Variants in LRRC70 observed in about 807,000 individuals in gnomAD.
LRRC70 encodes leucine rich repeat containing 70, also known as leucine-rich repeat-containing protein 70.
A neutral mutation model predicts 42.4 loss-of-function variants in LRRC70; 31 were observed. The observed-to-expected ratio is 0.73, with a 90% CI of 0.55 to 0.99. LRRC70 has a LOEUF of 0.99. LRRC70 is among the 50% of genes least tolerant of loss of function. The pLI is 0.00. For missense variants in LRRC70, 643 were observed against 707.5 expected (o/e 0.91, Z 1.03); for synonymous variants, 270 against 262.9 (o/e 1.03, Z -0.26).
Position 62,579,580 on chromosome 5 carries a change from A to G in LRRC70, c.142A>G (p.Asn48Asp). ...LCTGRQINCR[N>D]LGLSSIPKNF... ...CACTGGGAGACAAATTAACTGCCGT[A>G]ACTTAGGCCTTTCGAGTATTCCTAA... The change falls in exon 2 of 2, where the codon AAC becomes GAC. Residue 48 changes from asparagine to aspartate, a missense_variant. Physicochemically the swap from Asn to Asp is conservative, Grantham distance 23. Transcript: ENST00000334994. 6.4e-6 allele frequency: 10 copies of G among 1,551,220 alleles called. No homozygotes were observed. Among genetic ancestry groups the G allele is most frequent in the Non-Finnish European group, 8.7e-6 (10 of 1,146,632 alleles).
At chr5:62,579,200 A>G (rs1744443331) in intron 1 of LRRC70, among the ~76,000 whole-genome samples, 2 of 152,132 alleles carry the variant, frequency 1.3e-5, no homozygotes, top group Non-Finnish European at 2.9e-5. Flanking sequence ...ATTTTGTCAA[A>G]TAGTGGGTTA....
rs1213352315 is a variant in LRRC70 at position 62,578,863 on chromosome 5, T to G, written c.-111T>G. 5 of 314,540 alleles carry G rather than the reference T, an allele frequency of 1.6e-5. No homozygotes were observed. Among genetic ancestry groups the G allele is most frequent in the African/African-American group, 9.0e-5 (4 of 44,320 alleles). 19.5% of individuals were successfully genotyped at this position (314,540 alleles called of 1,614,324 possible). A position where few individuals can be genotyped will look rare whatever the true frequency, so the allele number is the denominator to read the frequency against. On this transcript the variant is annotated 5_prime_UTR_variant, in exon 1 of 2. Transcript: ENST00000334994. ...CAGAACAAACTGGAGTTAAGAAATGTCGTTCTTCAGATTTAAAAAGAAAAC... is the reference window on the plus strand; with the variant it reads ...CAGAACAAACTGGAGTTAAGAAATGGCGTTCTTCAGATTTAAAAAGAAAAC...
rs1744539232 is a variant in LRRC70 at position 62,581,076 on chromosome 5, C to A, written c.1638C>A (p.Ile546=). Residue 546 remains isoleucine (I), a synonymous_variant, in exon 2 of 2, where the codon ATC becomes ATA. Transcript: ENST00000334994. ...ILACVLIIFL[I]YKVVQFKQKL... ...CTTGTGTTTTAATCATTTTTTTGAT[C>A]TACAAAGTTGTTCAGTTTAAACAAA... The A allele has an allele frequency of 4.5e-6, 7 of 1,549,110 alleles. No individual in the cohort carries two copies. The East Asian group carries it at 1.5e-4, about 32-fold the overall frequency.
In LRRC70 at chr5:62,579,993, TG is replaced by T; in HGVS notation, c.556del (p.Asp186IlefsTer8). ...FVGMVALRILDLSNNNILRIS... is the reference protein window; with the variant it reads ...FVGMVALRILXLSNNNILRIS... ...TTGGTATGGTTGCTCTTCGGATACT[TG>T]ATTTATCAAACAATAACATTTTGAG... On this transcript the variant is annotated frameshift_variant, in exon 2 of 2. Coordinates refer to ENST00000334994, the MANE Select transcript of LRRC70 (RefSeq NM_181506.5). LOFTEE classifies it high-confidence loss of function. 1.9e-6 allele frequency: 3 copies of T among 1,551,292 alleles called. No homozygotes were observed. Among genetic ancestry groups the T allele is most frequent in the Non-Finnish European group, 2.6e-6 (3 of 1,146,748 alleles).
rs1744527200 is a variant in LRRC70 at position 62,580,853 on chromosome 5, T to C, written c.1415T>C (p.Phe472Ser). Residue 472 changes from phenylalanine (F) to serine (S), a missense_variant, in exon 2 of 2, where the codon TTT becomes TCT. By Grantham distance (155) the Phe-to-Ser change is radical. Coordinates refer to ENST00000334994, the MANE Select transcript of LRRC70 (RefSeq NM_181506.5). The stretch of plus-strand genomic sequence containing the variant: ...GGTAGATTTTTTCAAGAGAATGCCT[T>C]TGGTAATCCATTAGAGACTACAGCA... ...PAGRFFQENAFGNPLETTAVL... is the reference protein window; with the variant it reads ...PAGRFFQENASGNPLETTAVL... The C allele has an allele frequency of 6.4e-7, 1 of 1,551,430 alleles. No homozygotes were observed. The highest frequency in any genetic ancestry group is 8.7e-7 in the Non-Finnish European group (1 of 1,146,850).
rs746150271 is a variant in LRRC70 at position 62,580,474 on chromosome 5, A to C, written c.1036A>C (p.Lys346Gln). The C allele has an allele frequency of 3.9e-6, 6 of 1,551,380 alleles. No individual in the cohort carries two copies. The South Asian group carries it at 7.1e-5, about 18-fold the overall frequency. The change falls in exon 2 of 2, where the codon AAG (lysine) becomes CAG (glutamine). Residue 346 changes from lysine (K) to glutamine (Q), a missense_variant. Physicochemically the swap from Lys to Gln is moderately conservative, Grantham distance 53 (BLOSUM62 1). Transcript: ENST00000334994. ...TACAGCCTTGCATCCAAGGGTCCTTAAGCCGTTGTCTTCATTGATTCATCT... is the reference window on the plus strand; with the variant it reads ...TACAGCCTTGCATCCAAGGGTCCTTCAGCCGTTGTCTTCATTGATTCATCT... ...NLTALHPRVL[K>Q]PLSSLIHLQA...
chr5:62,580,902 T>TA lies in LRRC70; in HGVS notation c.1465dup (p.Thr489AsnfsTer17). On this transcript the variant is annotated frameshift_variant, in exon 2 of 2. Coordinates refer to ENST00000334994, the MANE Select transcript of LRRC70 (RefSeq NM_181506.5). LOFTEE classifies it high-confidence loss of function. ...CAGTGTTACCTGTGCAAATACAACT[T>TA]ACTACTTCTGTTACCTTGAACTTGG... The TA allele has an allele frequency of 6.4e-7, 1 of 1,551,420 alleles. No individual in the cohort carries two copies. Among genetic ancestry groups the TA allele is most frequent in the Non-Finnish European group, 8.7e-7 (1 of 1,146,852 alleles).
Position 62,579,897 on chromosome 5 carries a change from T to C in LRRC70, c.459T>C (p.Asn153=). 1 of 1,550,684 alleles carries C rather than the reference T, an allele frequency of 6.4e-7. No individual in the cohort carries two copies. The highest frequency in any genetic ancestry group is 2.0e-5 in the Admixed American group (1 of 50,978). Residue 153 remains asparagine (N), a synonymous_variant, in exon 2 of 2, where the codon AAT becomes AAC. Transcript: ENST00000334994. ...QVSFVPRGVF[N]DLVSVQYLNL... is the part of the protein sequence containing the mutation. ...CTTTTGTTCCGAGAGGAGTATTTAA[T>C]GATCTAGTTTCAGTTCAGTACTTAA...
rs942782299 is a variant in LRRC70, at chr5:62,580,742, A to G, written c.1304A>G (p.His435Arg). The G allele has an allele frequency of 1.7e-5, 26 of 1,551,380 alleles. No individual in the cohort carries two copies. The African/African-American group carries it at 3.0e-4, about 18-fold the overall frequency. Reference sequence around the variant, plus strand: ...ACTACTGCGCTAATGATGGCCTGGCATAAAGTAACCACAAATGGCAGTCCT... The same window carrying G: ...ACTACTGCGCTAATGATGGCCTGGCGTAAAGTAACCACAAATGGCAGTCCT... ...HKTTALMMAW[H>R]KVTTNGSPLE... is the part of the protein sequence containing the mutation. The change falls in exon 2 of 2, where the codon CAT (histidine) becomes CGT (arginine). Residue 435 changes from histidine (H) to arginine (R), a missense_variant. By Grantham distance (29) the His-to-Arg change is conservative. Transcript: ENST00000334994.
In LRRC70 at chr5:62,579,006, GAATTT is replaced by G. The variant is rs1353794739; in HGVS notation, c.-39+76_-39+80del. 24 of 238,166 alleles carry G rather than the reference GAATTT, an allele frequency of 1.0e-4. No individual in the cohort carries two copies. In the East Asian group the frequency reaches 2.4e-3, roughly 23 times the overall value. The allele number at this position is 238,166 out of a possible 1,614,324, so 14.8% of individuals were successfully genotyped here. A position where few individuals can be genotyped will look rare whatever the true frequency, so the allele number is the denominator to read the frequency against. On this transcript the variant is annotated intron_variant, in intron 1 of 1. Transcript: ENST00000334994. The stretch of plus-strand genomic sequence containing the variant: ...TAGTTCTGTGAAAAACTGTAATTTA[GAATTT>G]AATTGTTCTGTAGTGAATTTGTATT...
In LRRC70 at chr5:62,580,723, G is replaced by T. The variant is rs181871526; in HGVS notation, c.1285G>T (p.Ala429Ser). ...KSPHIHHKTT[A>S]LMMAWHKVTT... ...TCCTCATATTCATCACAAGACTACT[G>T]CGCTAATGATGGCCTGGCATAAAGT... is the stretch of plus-strand genomic sequence containing the variant. Residue 429 changes from alanine (A) to serine (S), a missense_variant, in exon 2 of 2, where the codon GCG becomes TCG. Physicochemically the swap from Ala to Ser is moderately conservative, Grantham distance 99. Coordinates refer to ENST00000334994, the MANE Select transcript of LRRC70 (RefSeq NM_181506.5). 1.7e-4 allele frequency: 260 copies of T among 1,551,358 alleles called. 1 individual carries two copies. The African/African-American group carries it at 3.2e-3, about 19-fold the overall frequency.
In LRRC70 at chr5:62,581,444, T is replaced by C. The variant is rs930190166; in HGVS notation, c.*137T>C. 2 of 747,512 alleles carry C rather than the reference T, an allele frequency of 2.7e-6. No individual in the cohort carries two copies. The highest frequency in any genetic ancestry group is 3.7e-5 in the African/African-American group (2 of 54,200). The allele number at this position is 747,512 out of a possible 1,614,324, so 46.3% of individuals were successfully genotyped here. A position where few individuals can be genotyped will look rare whatever the true frequency, so the allele number is the denominator to read the frequency against. On this transcript the variant is annotated 3_prime_UTR_variant, in exon 2 of 2. Transcript: ENST00000334994. ...TAGCATTATTAAAATATGTTTTTAA[T>C]AATTTGTGAACAGTGTATTCATTTA...
Position 62,580,454 on chromosome 5 carries a change from C to T in LRRC70, c.1016C>T (p.Ala339Val). ...ILNLSFNNLT[A>V]LHPRVLKPLS... ...AATCTGTCATTTAATAATCTTACAG[C>T]CTTGCATCCAAGGGTCCTTAAGCCG... The change falls in exon 2 of 2, where the codon GCC (alanine) becomes GTC (valine). Residue 339 changes from alanine to valine, a missense_variant. Ala to Val is a moderately conservative substitution (Grantham distance 64). Transcript: ENST00000334994. The T allele has an allele frequency of 6.4e-7, 1 of 1,551,370 alleles. No individual in the cohort carries two copies. The highest frequency in any genetic ancestry group is 8.7e-7 in the Non-Finnish European group (1 of 1,146,780).
At chr5:62,579,068 C>G (rs1305428832) in intron 1 of LRRC70, 133 bp downstream of exon 1, 9 of 253,044 alleles carry the variant, frequency 3.6e-5, no homozygotes, top group Non-Finnish European at 6.2e-5. Context: ...TGATATTAGA[C>G]TTTATGTTGT....
At position 62,580,284 on chromosome 5, in the gene LRRC70, C is replaced by G. The variant is rs1043298811; in HGVS notation, c.846C>G (p.Ile282Met). The change falls in exon 2 of 2, where the codon ATC becomes ATG. Residue 282 changes from isoleucine (I) to methionine (M), a missense_variant. Ile to Met is a conservative substitution (Grantham distance 10, BLOSUM62 1). Transcript: ENST00000334994. Reference sequence around the variant, plus strand: ...GAATTAATAATCTTAAACATTTGATCTTAAGTCATAATGATTTAGAGAATT... The same window carrying G: ...GAATTAATAATCTTAAACATTTGATGTTAAGTCATAATGATTTAGAGAATT... ...FSGINNLKHL[I>M]LSHNDLENLN... is the part of the protein sequence containing the mutation. The G allele has an allele frequency of 2.6e-6, 4 of 1,538,894 alleles. No individual in the cohort carries two copies. In the African/African-American group the frequency reaches 5.5e-5, roughly 21 times the overall value.
In LRRC70 at chr5:62,580,590, T is replaced by C. The variant is rs1561371931; in HGVS notation, c.1152T>C (p.Tyr384=). The change falls in exon 2 of 2, where the codon TAT becomes TAC. Residue 384 remains tyrosine (Y), a synonymous_variant. Coordinates refer to ENST00000334994, the MANE Select transcript of LRRC70 (RefSeq NM_181506.5). ...LASSAITLNI[Y]CQNPPSMRGR... The stretch of plus-strand genomic sequence containing the variant: ...CTTCAGCCATTACTCTAAACATCTA[T>C]TGTCAGAATCCCCCATCCATGCGTG... 4 of 1,551,452 alleles carry C rather than the reference T, an allele frequency of 2.6e-6. No individual in the cohort carries two copies. The highest frequency in any genetic ancestry group is 3.5e-6 in the Non-Finnish European group (4 of 1,146,804).
chr5:62,579,483 GGTT>G lies in LRRC70; in HGVS notation c.49_51del (p.Val17del). The stretch of plus-strand genomic sequence containing the variant: ...CTCTGCCTTGCCTACGACTGTTTCT[GGTT>G]GTTACCTGTTATCTTTTATTATTAC... On this transcript the variant is annotated inframe_deletion, in exon 2 of 2. Transcript: ENST00000334994. The G allele has an allele frequency of 6.4e-7, 1 of 1,550,698 alleles. No individual in the cohort carries two copies. Among genetic ancestry groups the G allele is most frequent in the African/African-American group, 1.4e-5 (1 of 73,102 alleles).
In LRRC70 at chr5:62,580,411, G is replaced by A. The variant is rs993872768; in HGVS notation, c.973G>A (p.Ala325Thr). The A allele has an allele frequency of 1.1e-5, 17 of 1,551,140 alleles. No homozygotes were observed. The highest frequency in any genetic ancestry group is 1.3e-5 in the Non-Finnish European group (15 of 1,146,570). ...IDNDTFENMG[A>T]SLKILNLSFN... is the part of the protein sequence containing the mutation. ...TAATGATACATTTGAAAATATGGGA[G>A]CATCTTTGAAGATCCTTAATCTGTC... Residue 325 changes from alanine (A) to threonine (T), a missense_variant, in exon 2 of 2, where the codon GCA becomes ACA. Coordinates refer to ENST00000334994, the MANE Select transcript of LRRC70 (RefSeq NM_181506.5).
Position 62,581,273 on chromosome 5 carries a change from C to A in LRRC70, c.1835C>A (p.Ala612Glu). The change falls in exon 2 of 2, where the codon GCA (alanine) becomes GAA (glutamate). Residue 612 changes from alanine to glutamate, a missense_variant. Transcript: ENST00000334994. ...LHKQIVPENE[A>E]QVILFEHSAL is the part of the protein sequence containing the mutation. Reference sequence around the variant, plus strand: ...AAACAAATTGTTCCTGAAAATGAGGCACAGGTCATTCTTTTTGAACATTCT... The same window carrying A: ...AAACAAATTGTTCCTGAAAATGAGGAACAGGTCATTCTTTTTGAACATTCT... 3 of 1,533,478 alleles carry A rather than the reference C, an allele frequency of 2.0e-6. No individual in the cohort carries two copies. Among genetic ancestry groups the A allele is most frequent in the Non-Finnish European group, 2.6e-6 (3 of 1,141,762 alleles). 95.0% of individuals were successfully genotyped at this position (1,533,478 alleles called of 1,614,324 possible).
Sources: gnomAD v4.1 joint callset for allele counts (sites outside exome capture counted in the v4.1 genomes callset) on GRCh38, gnomAD v4.1.1 for gene constraint, MANE v1.5 for transcripts, NCBI Gene and HGNC (gene_info 2026-07-23, HGNC 2026-07-21) for gene names.